The following SORBS2 variants were observed in gnomAD, a reference collection of about 807,000 sequenced individuals.
SORBS2 encodes the protein sorbin and SH3 domain containing 2.
A neutral mutation model predicts 97.7 loss-of-function variants in SORBS2; 46 were observed. The observed-to-expected ratio is 0.47, with a 90% CI of 0.37 to 0.60. The LOEUF (loss-of-function observed/expected upper bound fraction) is 0.60. Ranked by LOEUF, SORBS2 falls within the 20% of genes least tolerant of loss-of-function variation. The pLI is 0.00. For synonymous variants in SORBS2, 476 were observed against 473.4 expected (o/e 1.01, Z -0.07); for missense variants, 1,316 against 1,282.3 (o/e 1.03, Z -0.40).
intron 12 of SORBS2, among the ~76,000 whole-genome samples, chr4:185,599,424 T>C (rs1436603443): frequency 6.6e-6 from 1 of 152,170 alleles, no homozygotes; most frequent in African/African-American, 2.4e-5. Flanking sequence ...GACCTTTAAG[T>C]TCAATCAGAG....
chr4:185,708,531 A>G (rs55915443), intron 2 of SORBS2, among the ~76,000 whole-genome samples: 7,049 of 152,334 alleles, frequency 0.046, 187 homozygotes, highest in Middle Eastern at 0.11. Flanking sequence ...GGAGCATTCA[A>G]AAATGAAATC....
intron 2 of SORBS2, among the ~76,000 whole-genome samples, chr4:185,651,316 C>T (rs935609678): frequency 6.6e-6 from 1 of 152,174 alleles, no homozygotes; most frequent in Non-Finnish European, 1.5e-5. Flanking sequence ...AAAGTGGCCC[C>T]GCCAAGGGGG....
intron 1 of SORBS2, among the ~76,000 whole-genome samples, chr4:185,953,188 G>A (rs1036982639): frequency 3.9e-5 from 6 of 152,318 alleles, no homozygotes; most frequent in Non-Finnish European, 7.3e-5. Context: ...AGGGGCGCAC[G>A]CCTGAATCCC....
At chr4:185,797,312 T>C (rs1418493733) in intron 1 of SORBS2, among the ~76,000 whole-genome samples, 1 of 152,252 alleles carries the variant, frequency 6.6e-6, no homozygotes, top group African/African-American at 2.4e-5. Flanking sequence ...AGTTTTCCTC[T>C]TGTCGAATTC....
rs939639468 is a variant in SORBS2 at position 185,684,320 on chromosome 4, A to T, written c.-197-5498T>A. ...GGTATGTTTAAATATATATAGTAGAAGGGTATTTGCTGATTGGATTAAAGG... is the reference window on the plus strand; with the variant it reads ...GGTATGTTTAAATATATATAGTAGATGGGTATTTGCTGATTGGATTAAAGG... On this transcript the variant is annotated intron_variant, in intron 2 of 20. Coordinates refer to the SORBS2 transcript ENST00000284776. This position sits in a 1 kb window ranked among gnomAD's most constrained non-coding sequence, Gnocchi z 4.2. 3.9e-5 allele frequency among the ~76,000 whole-genome samples: 6 copies of T among 152,174 alleles called. No individual in the cohort carries two copies.
At chr4:185,731,866 C>CTCTCTATATATATA (rs1286500642) in intron 2 of SORBS2, among the ~76,000 whole-genome samples, 2 of 24,676 alleles carry the variant, frequency 8.1e-5, no homozygotes, top group Non-Finnish European at 1.3e-4. Flanking sequence ...CTCTCTCTCT[C>CTCTCTATATATATA]TATATATATA....
intron 1 of SORBS2, among the ~76,000 whole-genome samples, chr4:185,857,167 G>T (rs2099220973): frequency 6.6e-6 from 1 of 152,190 alleles, no homozygotes; most frequent in Non-Finnish European, 1.5e-5. Context: ...GGAGAGACCT[G>T]CTGAACCCGC....
chr4:185,723,417 G>A (rs545253657), intron 2 of SORBS2, among the ~76,000 whole-genome samples: 14 of 152,166 alleles, frequency 9.2e-5, no homozygotes, highest in Non-Finnish European at 1.6e-4. Context: ...TAAAACCTAA[G>A]CAATGTATTT....
intron 2 of SORBS2, among the ~76,000 whole-genome samples, chr4:185,721,145 G>C (rs2098510931): frequency 7.4e-6 from 1 of 134,492 alleles, no homozygotes; most frequent in Non-Finnish European, 1.5e-5. Context: ...CTGTGATCTG[G>C]CTCACTGCAA....
At chr4:185,646,456 C>T in intron 4 of SORBS2, 1 of 484,074 alleles carries the variant, frequency 2.1e-6, no homozygotes, top group Non-Finnish European at 3.7e-6. Flanking sequence ...TACACACACA[C>T]ATACACTTGT....
chr4:185,875,782 A>G (rs1284110229), intron 1 of SORBS2, among the ~76,000 whole-genome samples: 3 of 152,242 alleles, frequency 2.0e-5, no homozygotes, highest in African/African-American at 4.8e-5. Context: ...ACACACATAT[A>G]CAGTGTTGCT....
intron 1 of SORBS2, among the ~76,000 whole-genome samples, chr4:185,838,474 G>C (rs1023659854): frequency 2.0e-5 from 3 of 152,210 alleles, no homozygotes; most frequent in African/African-American, 4.8e-5. Context: ...GCCTGGAGGA[G>C]AGGGGGAATT....
At chr4:185,930,958 T>C (rs2099266126) in intron 1 of SORBS2, among the ~76,000 whole-genome samples, 1 of 152,192 alleles carries the variant, frequency 6.6e-6, no homozygotes. Flanking sequence ...TTGATATACC[T>C]ACCCTATTGA....
intron 4 of SORBS2, chr4:185,666,279 G>T: frequency 1.3e-6 from 1 of 778,262 alleles, no homozygotes; most frequent in Non-Finnish European, 1.9e-6. Flanking sequence ...CGATGTGGCA[G>T]AGAAGGCAAA....
At chr4:185,915,474 A>G (rs560067403) in intron 1 of SORBS2, among the ~76,000 whole-genome samples, 1 of 152,308 alleles carries the variant, frequency 6.6e-6, no homozygotes, top group East Asian at 1.9e-4. Flanking sequence ...AAAGCTAACT[A>G]CGAGGGTAGC....
chr4:185,911,543 C>A (rs563282417), intron 1 of SORBS2, among the ~76,000 whole-genome samples: 1 of 151,998 alleles, frequency 6.6e-6, no homozygotes, highest in South Asian at 2.1e-4. Context: ...TCCTTGAGTG[C>A]GCAAGTTTCC....
At position 185,849,138 on chromosome 4, in the gene SORBS2, G is replaced by A. The variant is rs139442307; in HGVS notation, c.-337-73772C>T. 2.9e-3 allele frequency among the ~76,000 whole-genome samples: 441 copies of A among 152,240 alleles called. 4 individuals carry two copies. Among genetic ancestry groups the A allele is most frequent in the African/African-American group, 0.01 (418 of 41,524 alleles). On this transcript the variant is annotated intron_variant, in intron 1 of 20. Transcript: ENST00000284776. ...TACTGAAACAAGCACTGTTGTTCCA[G>A]GACCCTGTCAGATTAGGGCTCCATC...
chr4:185,749,673 A>C (rs2098787925), intron 2 of SORBS2, among the ~76,000 whole-genome samples: 1 of 152,228 alleles, frequency 6.6e-6, no homozygotes, highest in Non-Finnish European at 1.5e-5. Flanking sequence ...ATTAGTGTTT[A>C]AGGTAATAAT....
intron 1 of SORBS2, among the ~76,000 whole-genome samples, chr4:185,839,593 C>A (rs1350310394): frequency 6.6e-6 from 1 of 152,160 alleles, no homozygotes; most frequent in African/African-American, 2.4e-5. Context: ...GAGGAATGTA[C>A]TCCAAGCTTT....
Sources: gnomAD v4.1 joint callset for allele counts (sites outside exome capture counted in the v4.1 genomes callset) on GRCh38, gnomAD v4.1.1 for gene constraint, Gnocchi (gnomAD v3.1) non-coding constraint, MANE v1.5 for transcripts, NCBI Gene and HGNC (gene_info 2026-07-23, HGNC 2026-07-21) for gene names.